The following NDST4 variants were observed in gnomAD, a reference collection of about 807,000 sequenced individuals.
NDST4 encodes the protein N-deacetylase and N-sulfotransferase 4, also known as N-heparan sulfate sulfotransferase 4.
NDST4 carries 63 observed loss-of-function variants against 100.8 expected under a neutral mutation model. That is an observed-to-expected ratio of 0.62 (90% confidence interval 0.51 to 0.77). The LOEUF is 0.77. NDST4 is among the 30% of genes least tolerant of loss of function. The probability of loss-of-function intolerance (pLI) is 0.00; values close to 1 mark genes in which losing one functional copy is unlikely to be tolerated. For missense variants in NDST4, 943 were observed against 1,018.4 expected (o/e 0.93, Z 1.01); for synonymous variants, 377 against 361.8 (o/e 1.04, Z -0.48).
intron 2 of NDST4, among the ~76,000 whole-genome samples, chr4:114,998,833 C>A (rs116304066): frequency 6.6e-6 from 1 of 151,902 alleles, no homozygotes; most frequent in African/African-American, 2.4e-5. Flanking sequence ...CCCTGTAGAC[C>A]TTGGGCTTGA....
chr4:115,080,806 A>G (rs1471596986), intron 1 of NDST4, among the ~76,000 whole-genome samples: 1 of 152,060 alleles, frequency 6.6e-6, no homozygotes, highest in Non-Finnish European at 1.5e-5. Context: ...TTAATTTAAA[A>G]ATCTATTTAA....
intron 2 of NDST4, among the ~76,000 whole-genome samples, chr4:114,997,328 T>C (rs1727186533): frequency 6.6e-6 from 1 of 152,074 alleles, no homozygotes; most frequent in Non-Finnish European, 1.5e-5. Context: ...AGCATGTTTA[T>C]ATCAAGGAGA....
intron 6 of NDST4, among the ~76,000 whole-genome samples, chr4:114,921,563 T>C (rs965805985): frequency 5.3e-5 from 8 of 152,200 alleles, no homozygotes; most frequent in African/African-American, 1.9e-4. Flanking sequence ...TTATATTTTT[T>C]GTCCAAAAAA....
chr4:114,830,665 T>A (rs1376495726), intron 12 of NDST4, among the ~76,000 whole-genome samples: 2 of 152,200 alleles, frequency 1.3e-5, no homozygotes, highest in Non-Finnish European at 2.9e-5. Context: ...AACGGAAGAA[T>A]GAACCAAATA....
At chr4:114,888,274 T>G (rs552052026) in intron 6 of NDST4, among the ~76,000 whole-genome samples, 1 of 151,986 alleles carries the variant, frequency 6.6e-6, no homozygotes, top group African/African-American at 2.4e-5. Flanking sequence ...CCTTTGTGCA[T>G]TTCTTCAAGA....
chr4:114,952,437 G>A (rs1331794486), intron 4 of NDST4, among the ~76,000 whole-genome samples: 1 of 152,032 alleles, frequency 6.6e-6, no homozygotes, highest in Non-Finnish European at 1.5e-5. Flanking sequence ...AGATAAATAT[G>A]TATTGTAGAG....
At chr4:115,005,534 G>C (rs1340233611) in intron 2 of NDST4, among the ~76,000 whole-genome samples, 3 of 152,158 alleles carry the variant, frequency 2.0e-5, no homozygotes, top group Non-Finnish European at 4.4e-5. Flanking sequence ...GGAGAAGAGA[G>C]TGGGAGGTTG....
At chr4:115,051,667 G>A (rs1037800043) in intron 2 of NDST4, among the ~76,000 whole-genome samples, 1 of 152,004 alleles carries the variant, frequency 6.6e-6, no homozygotes, top group Non-Finnish European at 1.5e-5. Flanking sequence ...TCATCTGTTG[G>A]TAAGAACTTA....
At chr4:114,881,645 A>G (rs974739647) in intron 6 of NDST4, among the ~76,000 whole-genome samples, 4 of 152,072 alleles carry the variant, frequency 2.6e-5, no homozygotes, top group African/African-American at 7.2e-5. Flanking sequence ...GAAGCCAGTT[A>G]TAGGTCTGGA....
intron 4 of NDST4, among the ~76,000 whole-genome samples, chr4:114,948,915 G>A (rs1196190407): frequency 6.6e-6 from 1 of 152,052 alleles, no homozygotes; most frequent in South Asian, 2.1e-4. Context: ...AAGAGGCAGA[G>A]AAAGAGTTGT....
At chr4:115,087,162 G>A (rs926655781) in intron 1 of NDST4, among the ~76,000 whole-genome samples, 7 of 152,032 alleles carry the variant, frequency 4.6e-5, no homozygotes, top group African/African-American at 1.7e-4. Flanking sequence ...TACTTAGGAT[G>A]ACTTTGGGAT....
At chr4:115,039,070 G>A (rs28560123) in intron 2 of NDST4, among the ~76,000 whole-genome samples, 14,312 of 152,132 alleles carry the variant, frequency 0.094, 2,063 homozygotes, top group African/African-American at 0.31. Flanking sequence ...TAGATAAACT[G>A]AAAATCGTGG....
At chr4:114,949,529 G>A (rs985881332) in intron 4 of NDST4, among the ~76,000 whole-genome samples, 6 of 152,016 alleles carry the variant, frequency 3.9e-5, no homozygotes, top group African/African-American at 1.4e-4. Context: ...ATTGCCAAAA[G>A]TGAGGCCTCA....
At chr4:114,864,179 C>T (rs552392764) in intron 7 of NDST4, among the ~76,000 whole-genome samples, 26 of 152,136 alleles carry the variant, frequency 1.7e-4, no homozygotes, top group Non-Finnish European at 3.1e-4. Flanking sequence ...ATCCAGGTCA[C>T]GTGCCTATTC....
intron 6 of NDST4, among the ~76,000 whole-genome samples, chr4:114,917,776 T>C (rs1023223471): frequency 6.6e-6 from 1 of 152,182 alleles, no homozygotes; most frequent in African/African-American, 2.4e-5. Flanking sequence ...AGCTCTCTGA[T>C]ACTGAATTAA....
At position 114,971,722 on chromosome 4, in the gene NDST4, T is replaced by A. The variant is rs576766348; in HGVS notation, c.1067-1138A>T. Among the ~76,000 whole-genome samples, 137 of 152,152 alleles carry A rather than the reference T, an allele frequency of 9.0e-4. No homozygotes were observed. In the East Asian group the frequency reaches 9.4e-3, roughly 10 times the overall value. On this transcript the variant is annotated intron_variant, in intron 3 of 13. Transcript: ENST00000264363. ...AAATTTAGGGAATAAATATTAAAGA[T>A]GGTTATAAGGATTTTCTCTGAATGT...
chr4:115,001,070 A>G (rs1727280036), intron 2 of NDST4, among the ~76,000 whole-genome samples: 1 of 152,096 alleles, frequency 6.6e-6, no homozygotes, highest in South Asian at 2.1e-4. Flanking sequence ...AACTTCTAAT[A>G]TCATCACCTT....
At chr4:114,900,726 C>T (rs1043949541) in intron 6 of NDST4, among the ~76,000 whole-genome samples, 1 of 152,124 alleles carries the variant, frequency 6.6e-6, no homozygotes, top group Non-Finnish European at 1.5e-5. Flanking sequence ...CCTAAAGATG[C>T]ATTTCTCACA....
chr4:114,998,273 C>T lies in NDST4; in HGVS notation c.979-20999G>A, dbSNP rs187078848. Among the ~76,000 whole-genome samples, 757 of 152,214 alleles carry T rather than the reference C, an allele frequency of 5.0e-3. 6 individuals carry two copies. The highest frequency in any genetic ancestry group is 7.1e-3 in the Non-Finnish European group (485 of 68,002). ...TTTGTCTATCCCCAAAGTGAGCATC[C>T]TATATCTACAGCCTCTTCTGGAGAT... is the stretch of plus-strand genomic sequence containing the variant. On this transcript the variant is annotated intron_variant, in intron 2 of 13. Coordinates refer to ENST00000264363, the MANE Select transcript of NDST4 (RefSeq NM_022569.3).
Sources: allele counts gnomAD v4.1 joint callset (sites outside exome capture counted in the v4.1 genomes callset), GRCh38; gene constraint gnomAD v4.1.1; transcripts MANE v1.5; gene names NCBI Gene and HGNC (gene_info 2026-07-23, HGNC 2026-07-21).